Variants in NFIB observed in about 807,000 individuals in gnomAD.
NFIB encodes the protein nuclear factor I B.
In NFIB, 11 loss-of-function variants were observed where a neutral mutation model predicts 61.5. The observed-to-expected ratio is 0.18, with a 90% CI of 0.11 to 0.30. The LOEUF (loss-of-function observed/expected upper bound fraction) is 0.30. Ranked by LOEUF, NFIB falls within the 10% of genes least tolerant of loss-of-function variation. The pLI is 1.00. For synonymous variants in NFIB, 260 were observed against 216.5 expected (o/e 1.20, Z -1.76); for missense variants, 471 against 608.9 (o/e 0.77, Z 2.38).
intron 5 of NFIB, 83 bp downstream of exon 5, chr9:14,150,062 A>C: frequency 6.4e-7 from 1 of 1,564,132 alleles, no homozygotes; most frequent in South Asian, 1.2e-5. Context: ...CTCTTTACCT[A>C]CCTACCTATC....
intron 2 of NFIB, among the ~76,000 whole-genome samples, chr9:14,212,637 GAAA>G (rs35209592): frequency 6.9e-5 from 10 of 145,600 alleles, no homozygotes; most frequent in South Asian, 6.5e-4. Context: ...ATTCCTCTGG[GAAA>G]AAAAAAAAAC....
intron 2 of NFIB, among the ~76,000 whole-genome samples, chr9:14,197,276 T>C (rs6474825): frequency 0.86 from 131,381 of 152,182 alleles, 56,893 homozygotes; most frequent in South Asian, 0.93. Flanking sequence ...CCTTTCTCAG[T>C]CTCACTCTCC....
chr9:14,426,078 G>A, the NFIB span, among the ~76,000 whole-genome samples: 1 of 152,132 alleles, frequency 6.6e-6, no homozygotes, highest in Non-Finnish European at 1.5e-5. Flanking sequence ...GTTGGAGATG[G>A]AGGTAGCTGG....
chr9:14,470,406 G>T, the NFIB span, among the ~76,000 whole-genome samples: 2 of 152,136 alleles, frequency 1.3e-5, no homozygotes, highest in African/African-American at 2.4e-5. Context: ...TCAGCTTCAT[G>T]ATCTCACTTC....
chr9:14,175,631 G>T (rs1490081695), intron 3 of NFIB, among the ~76,000 whole-genome samples: 2 of 152,124 alleles, frequency 1.3e-5, no homozygotes, highest in Non-Finnish European at 2.9e-5. Flanking sequence ...TAATCCTACT[G>T]GTTCCCAGAG....
chr9:14,305,986 T>C, intron 2 of NFIB: 1 of 1,352,926 alleles, frequency 7.4e-7, no homozygotes, highest in Non-Finnish European at 9.7e-7. Flanking sequence ...ATCTATATCT[T>C]GATGCATTTA....
chr9:14,522,845 C>A, the NFIB span, among the ~76,000 whole-genome samples: 2 of 152,126 alleles, frequency 1.3e-5, no homozygotes, highest in Non-Finnish European at 2.9e-5. Flanking sequence ...GACTGCTTAT[C>A]TTGTAGACAC....
the NFIB span, among the ~76,000 whole-genome samples, chr9:14,463,552 A>G: frequency 4.6e-5 from 7 of 152,088 alleles, no homozygotes; most frequent in South Asian, 1.2e-3. Flanking sequence ...CCCTCCTTGC[A>G]GAGTGGCATC....
chr9:14,169,516 T>A (rs1157373652), intron 3 of NFIB, among the ~76,000 whole-genome samples: 1 of 152,120 alleles, frequency 6.6e-6, no homozygotes, highest in Admixed American at 6.6e-5. Context: ...AATGACATTA[T>A]CAAGCAAAAG....
chr9:14,326,696 C>CAAA (rs1357502649), intron 1 of NFIB, among the ~76,000 whole-genome samples: 1 of 25,102 alleles, frequency 4.0e-5, no homozygotes. Context: ...AAGTGGTTTA[C>CAAA]AGAAAAAAAA....
At chr9:14,248,731 T>C (rs955344489) in intron 2 of NFIB, among the ~76,000 whole-genome samples, 2 of 152,138 alleles carry the variant, frequency 1.3e-5, no homozygotes, top group African/African-American at 4.8e-5. Context: ...AAAGCACCAG[T>C]TCAGCAACAG....
At chr9:14,184,947 T>C (rs927600051) in intron 2 of NFIB, among the ~76,000 whole-genome samples, 1 of 152,086 alleles carries the variant, frequency 6.6e-6, no homozygotes, top group Non-Finnish European at 1.5e-5. Flanking sequence ...CACTTGGACC[T>C]GGGAGGTGGA....
At chr9:14,265,106 A>G (rs2057088412) in intron 2 of NFIB, among the ~76,000 whole-genome samples, 2 of 152,224 alleles carry the variant, frequency 1.3e-5, no homozygotes, top group African/African-American at 4.8e-5. Context: ...TGGGAAAGGT[A>G]TATCTAGGTC....
chr9:14,130,950 A>T (rs567242817), intron 6 of NFIB, among the ~76,000 whole-genome samples: 2 of 152,346 alleles, frequency 1.3e-5, no homozygotes, highest in Admixed American at 1.3e-4. Context: ...ATGGCTATGC[A>T]TCAAGATGCC....
chr9:14,236,399 C>G (rs2053746614), intron 2 of NFIB, among the ~76,000 whole-genome samples: 1 of 152,188 alleles, frequency 6.6e-6, no homozygotes, highest in African/African-American at 2.4e-5. Flanking sequence ...TATTTGAATT[C>G]TGACAAGCTG....
At chr9:14,475,021 T>A in the NFIB span, among the ~76,000 whole-genome samples, 1 of 152,324 alleles carries the variant, frequency 6.6e-6, no homozygotes, top group Admixed American at 6.5e-5. Context: ...CTGAATCAAA[T>A]GCTAATGTCT....
the NFIB span, among the ~76,000 whole-genome samples, chr9:14,524,282 T>G: frequency 3.9e-5 from 6 of 152,178 alleles, no homozygotes; most frequent in Non-Finnish European, 5.9e-5. Flanking sequence ...CCCATTTATA[T>G]TAAACATTCA....
chr9:14,520,439 C>G, the NFIB span, among the ~76,000 whole-genome samples: 1 of 152,210 alleles, frequency 6.6e-6, no homozygotes, highest in Non-Finnish European at 1.5e-5. Flanking sequence ...TGTCCTTCTT[C>G]CAAGGGCTGA....
intron 2 of NFIB, among the ~76,000 whole-genome samples, chr9:14,214,473 C>A (rs2050643073): frequency 6.6e-6 from 1 of 152,248 alleles, no homozygotes; most frequent in Non-Finnish European, 1.5e-5. Flanking sequence ...AGCAAGCACA[C>A]ATTACCACAT....
Sources: allele counts gnomAD v4.1 joint callset (sites outside exome capture counted in the v4.1 genomes callset), GRCh38; gene constraint gnomAD v4.1.1; transcripts MANE v1.5; gene names NCBI Gene and HGNC (gene_info 2026-07-23, HGNC 2026-07-21).